Variants in PLXND1 observed in about 807,000 individuals in gnomAD.
PLXND1 encodes the protein plexin D1.
In PLXND1, 54 loss-of-function variants were observed where a neutral mutation model predicts 197.7. The ratio of observed to expected loss-of-function variants is 0.27; its 90% CI spans 0.22 to 0.34. PLXND1 has a LOEUF of 0.34. Among genes scored for constraint, PLXND1 ranks in the 10% least tolerant of loss-of-function variants. The pLI, the probability that PLXND1 is intolerant of heterozygous loss-of-function variation, is 1.00. For synonymous variants in PLXND1, 1,180 were observed against 1,161.2 expected (o/e 1.02, Z -0.33); for missense variants, 2,127 against 2,699.2 (o/e 0.79, Z 4.70).
Position 129,606,345 on chromosome 3 carries a change from G to C in PLXND1, c.295C>G (p.Pro99Ala). The C allele has an allele frequency of 6.8e-7, 1 of 1,476,850 alleles. No homozygotes were observed. Among genetic ancestry groups the C allele is most frequent in the Non-Finnish European group, 8.9e-7 (1 of 1,122,300 alleles). 91.5% of individuals were successfully genotyped at this position (1,476,850 alleles called of 1,614,324 possible). ...LEAEAAVGPV[P>A]DSPLCHAPQL... is the part of the protein sequence containing the mutation. ...GGAGCGTGACACAGCGGGCTGTCGG[G>C]CACCGGGCCCACGGCCGCCTCGGCC... The change falls in exon 1 of 36, where the codon CCC becomes GCC. Residue 99 changes from proline (P) to alanine (A), a missense_variant. Pro to Ala is a conservative substitution (Grantham distance 27). Transcript: ENST00000324093.
At position 129,567,693 on chromosome 3, in the gene PLXND1, A is replaced by T. The variant is rs779525224; in HGVS notation, c.3973+5T>A. The T allele has an allele frequency of 7.5e-6, 12 of 1,600,402 alleles. No individual in the cohort carries two copies. The highest frequency in any genetic ancestry group is 9.4e-6 in the Non-Finnish European group (11 of 1,167,652). ...GCCCAGCCCTGCAGGGTCCCCGCCC[A>T]CTACCTTTGCGGATTTCCTCTCGGA... On this transcript the variant is annotated splice_donor_5th_base_variant and intron_variant, in intron 21 of 35. Transcript: ENST00000324093.
intron 9 of PLXND1, 116 bp from the exon 10 acceptor site, chr3:129,575,971 C>G (rs2085308636): frequency 2.9e-6 from 2 of 692,986 alleles, no homozygotes; most frequent in South Asian, 3.3e-5. Context: ...CTTGGTCGAA[C>G]TGTCAGGCCT....
At chr3:129,561,128 G>T (rs1429876087) in intron 29 of PLXND1, 1 of 469,828 alleles carries the variant, frequency 2.1e-6, no homozygotes, top group African/African-American at 2.0e-5. Context: ...CCAGGCAGGC[G>T]GGGGTGGGTG....
chr3:129,588,168 G>A (rs550922445), intron 2 of PLXND1, among the ~76,000 whole-genome samples: 2 of 152,354 alleles, frequency 1.3e-5, no homozygotes, highest in Admixed American at 6.5e-5. Flanking sequence ...GCGGGGTGTG[G>A]GCTATGGGCC....
Position 129,577,686 on chromosome 3 carries a change from C to T in PLXND1, c.2346+643G>A, listed in dbSNP as rs567098036. Among the ~76,000 whole-genome samples, 2 of 152,276 alleles carry T rather than the reference C, an allele frequency of 1.3e-5. No individual in the cohort carries two copies. Among genetic ancestry groups the T allele is most frequent in the South Asian group, 2.1e-4 (1 of 4,832 alleles). On this transcript the variant is annotated intron_variant, in intron 9 of 35. Transcript: ENST00000324093. The surrounding 1 kb of genome is among the most constrained non-coding windows in gnomAD (Gnocchi z 5.0). ...ACTCGTCAACGCTTCCCACCCAGGA[C>T]GCGCCTCCAGGAGGGGTCCAGAAAG...
In PLXND1 at chr3:129,562,989, C is replaced by G. The variant is rs759864492; in HGVS notation, c.4669-46G>C. On this transcript the variant is annotated intron_variant, in intron 26 of 35. Transcript: ENST00000324093. The stretch of plus-strand genomic sequence containing the variant: ...AGAAAGGTCAGTGAGTTGCTGCCAT[C>G]ACTATGTCAGTGCCCAGGCAGCAAG... 16 of 1,605,278 alleles carry G rather than the reference C, an allele frequency of 1.0e-5. No individual in the cohort carries two copies. In the South Asian group the frequency reaches 1.8e-4, roughly 18 times the overall value.
At position 129,556,284 on chromosome 3, in the gene PLXND1, C is replaced by T. The variant is rs777148548; in HGVS notation, c.*28G>A. 1 of 1,464,674 alleles carries T rather than the reference C, an allele frequency of 6.8e-7. No individual in the cohort carries two copies. The highest frequency in any genetic ancestry group is 9.6e-7 in the Non-Finnish European group (1 of 1,044,560). 90.7% of individuals were successfully genotyped at this position (1,464,674 alleles called of 1,614,324 possible). A position where few individuals can be genotyped will look rare whatever the true frequency, so the allele number is the denominator to read the frequency against. On this transcript the variant is annotated 3_prime_UTR_variant, in exon 36 of 36. Transcript: ENST00000324093. ...CCCAGTGGGCGTCCATTTCTCCCAG[C>T]AGCAGCCTGACCAACTCTCCATGTG...
rs1003053080 is a variant in PLXND1 at position 129,577,312 on chromosome 3, C to T, written c.2346+1017G>A. Among the ~76,000 whole-genome samples the T allele has an allele frequency of 1.3e-5, 2 of 152,196 alleles. No individual in the cohort carries two copies. Among genetic ancestry groups the T allele is most frequent in the African/African-American group, 4.8e-5 (2 of 41,458 alleles). Reference sequence around the variant, plus strand: ...AGCTCGGTCAGAGTGGAGGCTGCCCCACCACACAGCTGGGAAGAATCGGCA... The same window carrying T: ...AGCTCGGTCAGAGTGGAGGCTGCCCTACCACACAGCTGGGAAGAATCGGCA... On this transcript the variant is annotated intron_variant, in intron 9 of 35. Coordinates refer to ENST00000324093, the MANE Select transcript of PLXND1 (RefSeq NM_015103.3). This position sits in a 1 kb window ranked among gnomAD's most constrained non-coding sequence, Gnocchi z 5.0.
chr3:129,580,924 G>A (rs536421045), intron 8 of PLXND1, among the ~76,000 whole-genome samples: 1 of 152,022 alleles, frequency 6.6e-6, no homozygotes, highest in South Asian at 2.1e-4. Flanking sequence ...TGGTCCTTGG[G>A]AAGCCACCCC....
At position 129,560,380 on chromosome 3, in the gene PLXND1, G is replaced by C; in HGVS notation, c.5083C>G (p.Arg1695Gly). ...EPKKSHRQSH[R>G]KKVLPEIYLT... is the part of the protein sequence containing the mutation. ...TAGATTTCCGGGAGCACCTTCTTGC[G>C]ATGGCTCTGCCGGTGAGACTTCTTG... The change falls in exon 31 of 36, where the codon CGC (arginine) becomes GGC (glycine). Residue 1695 changes from arginine to glycine, a missense_variant. Physicochemically the swap from Arg to Gly is moderately radical, Grantham distance 125. Coordinates refer to ENST00000324093, the MANE Select transcript of PLXND1 (RefSeq NM_015103.3). 6.2e-7 allele frequency: 1 copy of C among 1,614,030 alleles called. No individual in the cohort carries two copies. The highest frequency in any genetic ancestry group is 1.3e-5 in the African/African-American group (1 of 75,072).
intron 3 of PLXND1, 78 bp from the exon 4 acceptor site, chr3:129,586,350 C>G (rs954512161): frequency 2.5e-6 from 3 of 1,209,150 alleles, no homozygotes; most frequent in Non-Finnish European, 1.2e-6. Context: ...CAGCATGGTG[C>G]GGGCCATGAG....
Position 129,586,066 on chromosome 3 carries a change from C to G in PLXND1, c.1737G>C (p.Gln579His). 1 of 1,613,938 alleles carries G rather than the reference C, an allele frequency of 6.2e-7. No homozygotes were observed. The highest frequency in any genetic ancestry group is 8.5e-7 in the Non-Finnish European group (1 of 1,180,000). ...GCTGCTGGCTGGAATTGGTGCAGTC[C>G]TGCTGCAAGGTGCACCTGGGGTGGC... ...CALETRCTLQ[Q>H]DCTNSSQQHF... Residue 579 changes from glutamine (Q) to histidine (H), a missense_variant, in exon 5 of 36, where the codon CAG (glutamine) becomes CAC (histidine). By Grantham distance (24) the Gln-to-His change is conservative. Transcript: ENST00000324093.
chr3:129,583,632 A>G lies in PLXND1; in HGVS notation c.2176T>C (p.Trp726Arg). ...ACACAGGAGTGCTGCTGGCTGCACC[A>G]GAAACAGGGCCACTGTGCCGACAGG... ...SCLSAQWPCF[W>R]CSQQHSCVSN... Residue 726 changes from tryptophan (W) to arginine (R), a missense_variant, in exon 8 of 36, where the codon TGG becomes CGG. By Grantham distance (101) the Trp-to-Arg change is moderately radical. Transcript: ENST00000324093. 6.2e-7 allele frequency: 1 copy of G among 1,613,534 alleles called. No homozygotes were observed. The highest frequency in any genetic ancestry group is 8.5e-7 in the Non-Finnish European group (1 of 1,179,928).
chr3:129,579,125 T>G (rs1465608506), intron 8 of PLXND1, among the ~76,000 whole-genome samples: 1 of 149,660 alleles, frequency 6.7e-6, no homozygotes, highest in Non-Finnish European at 1.5e-5. Flanking sequence ...CACTGAGGCC[T>G]GGCAGAGCAG....
In PLXND1 at chr3:129,577,379, C is replaced by T. The variant is rs144548415; in HGVS notation, c.2346+950G>A. ...CACACCTCCCCATCCCAGGCGCCCACGGCCCAGGGGCAGAGCCATCCTGCC... is the reference window on the plus strand; with the variant it reads ...CACACCTCCCCATCCCAGGCGCCCATGGCCCAGGGGCAGAGCCATCCTGCC... On this transcript the variant is annotated intron_variant, in intron 9 of 35. Coordinates refer to ENST00000324093, the MANE Select transcript of PLXND1 (RefSeq NM_015103.3). The surrounding 1 kb of genome is among the most constrained non-coding windows in gnomAD (Gnocchi z 5.0). Among the ~76,000 whole-genome samples the T allele has an allele frequency of 1.3e-5, 2 of 152,174 alleles. No individual in the cohort carries two copies. Among genetic ancestry groups the T allele is most frequent in the East Asian group, 1.9e-4 (1 of 5,180 alleles).
rs978940100 is a variant in PLXND1 at position 129,594,530 on chromosome 3, T to C, written c.1312-5003A>G. Among the ~76,000 whole-genome samples the C allele has an allele frequency of 2.6e-5, 4 of 152,294 alleles. No individual in the cohort carries two copies. The East Asian group carries it at 7.7e-4, about 29-fold the overall frequency. ...AAGGTGACCGCAGCTCACTACATCC[T>C]GGCCGGGGACTGGGCTGTCTGGACC... On this transcript the variant is annotated intron_variant, in intron 1 of 35. Coordinates refer to ENST00000324093, the MANE Select transcript of PLXND1 (RefSeq NM_015103.3).
In PLXND1 at chr3:129,584,566, G is replaced by A. The variant is rs1423988475; in HGVS notation, c.1852-4C>T. ...CCGAGATCTGCAGGATCATGCCCTG[G>A]GGGCAAGGAGCCCTCAGCTCTGGGG... is the stretch of plus-strand genomic sequence containing the variant. On this transcript the variant is annotated splice_region_variant and splice_polypyrimidine_tract_variant and intron_variant, in intron 5 of 35. Coordinates refer to ENST00000324093, the MANE Select transcript of PLXND1 (RefSeq NM_015103.3). The A allele has an allele frequency of 6.3e-7, 1 of 1,598,530 alleles. No homozygotes were observed. Among genetic ancestry groups the A allele is most frequent in the Non-Finnish European group, 8.5e-7 (1 of 1,171,406 alleles).
chr3:129,598,007 A>G (rs1006568263), intron 1 of PLXND1, among the ~76,000 whole-genome samples: 10 of 152,094 alleles, frequency 6.6e-5, no homozygotes, highest in African/African-American at 2.4e-4. Flanking sequence ...CAGGGCCAAT[A>G]CAGACCAGCA....
intron 12 of PLXND1, 94 bp from the exon 13 acceptor site, chr3:129,573,839 C>T (rs746280185): frequency 7.6e-5 from 105 of 1,373,324 alleles, no homozygotes; most frequent in Middle Eastern, 5.1e-4. Flanking sequence ...AGGGCACAGC[C>T]GTGCAGACCC....
Sources: gnomAD v4.1 joint callset for allele counts (sites outside exome capture counted in the v4.1 genomes callset) on GRCh38, gnomAD v4.1.1 for gene constraint, Gnocchi (gnomAD v3.1) non-coding constraint, MANE v1.5 for transcripts, NCBI Gene and HGNC (gene_info 2026-07-23, HGNC 2026-07-21) for gene names.